The following ACTL6A variants were observed in gnomAD, a reference collection of about 807,000 sequenced individuals.
ACTL6A encodes the protein actin-like protein 6A.
In ACTL6A, 5 loss-of-function variants were observed where a neutral mutation model predicts 59.2. That is an observed-to-expected ratio of 0.08 (90% CI 0.04 to 0.18). The LOEUF (loss-of-function observed/expected upper bound fraction) is 0.18. Ranked by LOEUF, ACTL6A falls within the 10% of genes least tolerant of loss-of-function variation. The probability of loss-of-function intolerance (pLI) is 1.00; values close to 1 mark genes in which losing one functional copy is unlikely to be tolerated. For synonymous variants in ACTL6A, 154 were observed against 171.8 expected, an observed-to-expected ratio of 0.90 and a Z score of 0.81; for missense variants, 285 against 526.9, an observed-to-expected ratio of 0.54 and a Z score of 4.49.
At chr3:179,564,613 G>C (rs1717774550) in intron 1 of ACTL6A, among the ~76,000 whole-genome samples, 1 of 152,146 alleles carries the variant, frequency 6.6e-6, no homozygotes, top group Non-Finnish European at 1.5e-5. Context: ...AAAAGGAACA[G>C]ATGTAAAATT....
intron 9 of ACTL6A, 90 bp downstream of exon 9, chr3:179,580,791 ACT>A (rs1718313866): frequency 7.5e-7 from 1 of 1,341,034 alleles, no homozygotes; most frequent in African/African-American, 1.6e-5. Context: ...AAATATTCTC[ACT>A]CCCTTTTTTT....
At chr3:179,577,011 G>T in intron 8 of ACTL6A, 98 bp downstream of exon 8, 1 of 787,520 alleles carries the variant, frequency 1.3e-6, no homozygotes, top group Non-Finnish European at 2.0e-6. Context: ...AGTAAAATAT[G>T]GGCACTTTAT....
intron 1 of ACTL6A, among the ~76,000 whole-genome samples, chr3:179,564,219 G>T (rs1717762956): frequency 6.6e-6 from 1 of 152,148 alleles, no homozygotes. Context: ...ATGAGTTAGA[G>T]ACCCAGAAAA....
chr3:179,586,489 A>AT, intron 12 of ACTL6A, 57 bp from the exon 13 acceptor site: 3 of 1,221,272 alleles, frequency 2.5e-6, no homozygotes, highest in Admixed American at 3.0e-5. Context: ...AAAAAAAAGA[A>AT]TTTTCTAAGT....
rs566198063 is a variant in ACTL6A at position 179,564,975 on chromosome 3, C to T, written c.25+1858C>T. On this transcript the variant is annotated intron_variant, in intron 1 of 13. Transcript: ENST00000429709. ...TCAGCCTCCCAAAGTGCTAGGATTA[C>T]AGGTTTGAGCCACTGCCCCCAGTCA... is the stretch of plus-strand genomic sequence containing the variant. Among the ~76,000 whole-genome samples, 6 of 150,246 alleles carry T rather than the reference C, an allele frequency of 4.0e-5. No individual in the cohort carries two copies. The South Asian group carries it at 1.1e-3, about 27-fold the overall frequency.
chr3:179,574,266 C>A, intron 4 of ACTL6A, 104 bp from the exon 5 acceptor site: 1 of 634,626 alleles, frequency 1.6e-6, no homozygotes, highest in Non-Finnish European at 2.8e-6. Flanking sequence ...TTATTCTGTT[C>A]TTAATGTTTT....
intron 13 of ACTL6A, among the ~76,000 whole-genome samples, chr3:179,587,524 T>C (rs1301320932): frequency 6.6e-6 from 1 of 151,992 alleles, no homozygotes; most frequent in Non-Finnish European, 1.5e-5. Flanking sequence ...GAGTACTATT[T>C]TGGGGGACGG....
At chr3:179,567,868 T>G (rs1717883398) in intron 1 of ACTL6A, among the ~76,000 whole-genome samples, 2 of 152,272 alleles carry the variant, frequency 1.3e-5, no homozygotes, top group South Asian at 4.1e-4. Flanking sequence ...AATATGTCTC[T>G]GTTTTATTTG....
intron 13 of ACTL6A, among the ~76,000 whole-genome samples, chr3:179,587,227 A>T (rs1327475640): frequency 6.6e-6 from 1 of 151,908 alleles, no homozygotes; most frequent in Non-Finnish European, 1.5e-5. Context: ...GTATATATAC[A>T]GTTTATATAC....
chr3:179,584,269 G>A (rs1023616842), intron 12 of ACTL6A: 4 of 152,118 alleles, frequency 2.6e-5, no homozygotes, highest in African/African-American at 4.8e-5. Context: ...AGAAAAACTC[G>A]GTTTGAGAAG....
chr3:179,577,042 T>A, intron 8 of ACTL6A, 129 bp downstream of exon 8: 1 of 594,632 alleles, frequency 1.7e-6, no homozygotes. Context: ...TCTTTATTTT[T>A]TTTATTACTA....
intron 1 of ACTL6A, among the ~76,000 whole-genome samples, chr3:179,564,055 T>G (rs1198762889): frequency 1.3e-5 from 2 of 152,214 alleles, no homozygotes; most frequent in Non-Finnish European, 2.9e-5. Flanking sequence ...GTCTGGCCCA[T>G]GGACCAGCAG....
At chr3:179,575,209 T>G in intron 5 of ACTL6A, 1 of 356,984 alleles carries the variant, frequency 2.8e-6, no homozygotes, top group Non-Finnish European at 5.5e-6. Flanking sequence ...TCTTCCTTTA[T>G]TTTACTTTCA....
intron 8 of ACTL6A, among the ~76,000 whole-genome samples, chr3:179,579,435 A>G (rs1020549632): frequency 2.7e-5 from 4 of 145,934 alleles, no homozygotes; most frequent in Non-Finnish European, 4.5e-5. Context: ...TTTTTTAAAA[A>G]TTATTTTATT....
intron 11 of ACTL6A, 52 bp downstream of exon 11, chr3:179,581,272 A>C (rs771534204): frequency 1.4e-6 from 2 of 1,393,334 alleles, no homozygotes; most frequent in Admixed American, 3.4e-5. Context: ...GGGGACTGAA[A>C]TGTCCCCAAA....
At chr3:179,586,466 TGAAAAAAAAA>T in intron 12 of ACTL6A, 70 bp from the exon 13 acceptor site, 4 of 678,720 alleles carry the variant, frequency 5.9e-6, no homozygotes, top group Non-Finnish European at 6.3e-6. Context: ...TGTCTCTATT[TGAAAAAAAAA>T]AAAAAAAAAA....
In ACTL6A at chr3:179,565,678, A is replaced by G. The variant is rs138777193; in HGVS notation, c.25+2561A>G. 5.2e-3 allele frequency among the ~76,000 whole-genome samples: 792 copies of G among 152,170 alleles called. 7 individuals carry two copies. The highest frequency in any genetic ancestry group is 0.018 in the African/African-American group (745 of 41,514). ...GTATGTGGTGCGTTCAGGAGATGAC[A>G]TATTACCCAGTAAGTTAGTGTATGA... On this transcript the variant is annotated intron_variant, in intron 1 of 13. Coordinates refer to ENST00000429709, the MANE Select transcript of ACTL6A (RefSeq NM_004301.5).
intron 1 of ACTL6A, among the ~76,000 whole-genome samples, chr3:179,569,032 C>T (rs1359252862): frequency 1.3e-5 from 2 of 152,168 alleles, no homozygotes; most frequent in African/African-American, 4.8e-5. Flanking sequence ...TCTATGTATG[C>T]ACAATTTCAA....
At chr3:179,575,468 TTG>T (rs1560012002) in intron 5 of ACTL6A, 1 of 456,620 alleles carries the variant, frequency 2.2e-6, no homozygotes, top group Admixed American at 2.3e-5. Flanking sequence ...TGGTGCACCA[TTG>T]TGTGTCTACT....
Sources: allele counts gnomAD v4.1 joint callset (sites outside exome capture counted in the v4.1 genomes callset), GRCh38; gene constraint gnomAD v4.1.1; transcripts MANE v1.5; gene names NCBI Gene and HGNC (gene_info 2026-07-23, HGNC 2026-07-21).